Variants in ANKRD12 observed in about 807,000 individuals in gnomAD.
The protein encoded by ANKRD12 is ankyrin repeat domain 12, also known as ankyrin repeat domain-containing protein 12.
Under a neutral mutation model 183.4 loss-of-function variants are expected in ANKRD12, and 85 were observed. The ratio of observed to expected loss-of-function variants is 0.46; its 90% CI spans 0.39 to 0.56. The LOEUF (loss-of-function observed/expected upper bound fraction) is 0.56, where lower values mean the gene tolerates loss of function less well. ANKRD12 is among the 20% of genes least tolerant of loss of function. The probability of loss-of-function intolerance (pLI) is 0.00; values close to 1 mark genes in which losing one functional copy is unlikely to be tolerated. For synonymous variants in ANKRD12, 914 were observed against 800.2 expected (o/e 1.14, Z -2.40); for missense variants, 2,405 against 2,357.1 (o/e 1.02, Z -0.42).
chr18:9,219,635 A>G (rs922499868), intron 7 of ANKRD12, among the ~76,000 whole-genome samples: 3 of 152,056 alleles, frequency 2.0e-5, no homozygotes, highest in African/African-American at 7.2e-5. Flanking sequence ...CTTTAAAAAT[A>G]TAAAAACTAT....
chr18:9,169,800 C>T (rs2032497455), intron 1 of ANKRD12, among the ~76,000 whole-genome samples: 1 of 152,146 alleles, frequency 6.6e-6, no homozygotes, highest in African/African-American at 2.4e-5. Flanking sequence ...GCAGTTTCTT[C>T]CTAGCATTGA....
chr18:9,189,094 A>G (rs1221536044), intron 2 of ANKRD12, among the ~76,000 whole-genome samples: 1 of 152,226 alleles, frequency 6.6e-6, no homozygotes, highest in African/African-American at 2.4e-5. Flanking sequence ...AAGTTCTTGA[A>G]GAACACTAAA....
At chr18:9,181,520 C>T (rs2033699847) in intron 1 of ANKRD12, among the ~76,000 whole-genome samples, 1 of 152,194 alleles carries the variant, frequency 6.6e-6, no homozygotes, top group South Asian at 2.1e-4. Flanking sequence ...CCTTGGCCAG[C>T]AGCCTCAATC....
intron 1 of ANKRD12, among the ~76,000 whole-genome samples, chr18:9,166,350 G>A (rs1598432061): frequency 6.6e-6 from 1 of 152,256 alleles, no homozygotes; most frequent in Admixed American, 6.5e-5. Context: ...GTGTAAAAGT[G>A]TTCCTGTTTC....
intron 1 of ANKRD12, among the ~76,000 whole-genome samples, chr18:9,149,256 A>T (rs1028120278): frequency 2.6e-5 from 4 of 152,224 alleles, no homozygotes; most frequent in African/African-American, 4.8e-5. Context: ...TGTGACATGT[A>T]AGTGTTTAAT....
chr18:9,211,860 T>C, intron 6 of ANKRD12, 76 bp downstream of exon 6: 1 of 1,249,176 alleles, frequency 8.0e-7, no homozygotes, highest in Non-Finnish European at 1.1e-6. Context: ...TAATCTACAT[T>C]CTTTTATTCA....
Position 9,187,405 on chromosome 18 carries a change from C to G in ANKRD12, c.87+4886C>G, listed in dbSNP as rs565561820. On this transcript the variant is annotated intron_variant, in intron 2 of 12. Coordinates refer to ENST00000262126, the MANE Select transcript of ANKRD12 (RefSeq NM_015208.5). ...GCAAGAGAGCAGGACCCTGCTGTCT[C>G]TATTCATTTTTAATTTTTTTTTAAC... is the stretch of plus-strand genomic sequence containing the variant. Among the ~76,000 whole-genome samples the G allele has an allele frequency of 1.6e-4, 24 of 152,194 alleles. No homozygotes were observed. In the South Asian group the frequency reaches 4.8e-3, roughly 30 times the overall value.
intron 6 of ANKRD12, among the ~76,000 whole-genome samples, chr18:9,216,361 C>G (rs1178891789): frequency 1.3e-5 from 2 of 152,130 alleles, no homozygotes; most frequent in African/African-American, 4.8e-5. Flanking sequence ...TGTTAAATAA[C>G]AATTTTTCTC....
chr18:9,265,087 C>T (rs1309030238), intron 10 of ANKRD12, among the ~76,000 whole-genome samples: 1 of 152,246 alleles, frequency 6.6e-6, no homozygotes, highest in Non-Finnish European at 1.5e-5. Context: ...GAGGGGCACC[C>T]GCCATTGCCT....
chr18:9,227,212 A>T (rs2036770328), intron 8 of ANKRD12, among the ~76,000 whole-genome samples: 1 of 152,184 alleles, frequency 6.6e-6, no homozygotes, highest in Non-Finnish European at 1.5e-5. Flanking sequence ...AAAGAGAACA[A>T]GTTATAAAGC....
chr18:9,166,536 T>C (rs951613810), intron 1 of ANKRD12, among the ~76,000 whole-genome samples: 5 of 152,218 alleles, frequency 3.3e-5, no homozygotes, highest in African/African-American at 1.2e-4. Flanking sequence ...GAAGTGTCTG[T>C]TCATATCCTT....
At chr18:9,159,430 CT>C (rs1371379453) in intron 1 of ANKRD12, among the ~76,000 whole-genome samples, 2 of 151,980 alleles carry the variant, frequency 1.3e-5, no homozygotes, top group Admixed American at 6.6e-5. Flanking sequence ...TATTTTTTTA[CT>C]TTTTTATTTT....
chr18:9,142,659 A>G (rs2078358860), intron 1 of ANKRD12, among the ~76,000 whole-genome samples: 1 of 152,162 alleles, frequency 6.6e-6, no homozygotes, highest in African/African-American at 2.4e-5. Flanking sequence ...AGGCTGGCAG[A>G]TCACCTGAGG....
intron 1 of ANKRD12, among the ~76,000 whole-genome samples, chr18:9,170,003 T>G (rs2032523839): frequency 1.3e-5 from 2 of 152,236 alleles, no homozygotes; most frequent in South Asian, 4.1e-4. Context: ...AAATTCTGGG[T>G]TGAAAATTAT....
rs6506643 is a variant in ANKRD12 at position 9,186,204 on chromosome 18, G to A, written c.87+3685G>A. ...CGCCCAGGCTGGAGTGCAGTGGCGCGAAAAAGTGTGATTTCTTAAAAGTGT... is the reference window on the plus strand; with the variant it reads ...CGCCCAGGCTGGAGTGCAGTGGCGCAAAAAAGTGTGATTTCTTAAAAGTGT... On this transcript the variant is annotated intron_variant, in intron 2 of 12. Transcript: ENST00000262126. Among the ~76,000 whole-genome samples, 1,134 of 149,820 alleles carry A rather than the reference G, an allele frequency of 7.6e-3. 12 individuals carry two copies. Among genetic ancestry groups the A allele is most frequent in the African/African-American group, 0.026 (1,055 of 40,572 alleles).
chr18:9,166,833 G>C (rs1213386885), intron 1 of ANKRD12, among the ~76,000 whole-genome samples: 1 of 152,144 alleles, frequency 6.6e-6, no homozygotes, highest in Non-Finnish European at 1.5e-5. Flanking sequence ...TTTTCTTCTA[G>C]GGTTTTTATG....
intron 3 of ANKRD12, among the ~76,000 whole-genome samples, chr18:9,196,834 A>T (rs1160299053): frequency 6.6e-6 from 1 of 152,008 alleles, no homozygotes; most frequent in Non-Finnish European, 1.5e-5. Flanking sequence ...TCTTTGAGAG[A>T]TTCAGAATCT....
At chr18:9,168,961 C>G (rs1254678344) in intron 1 of ANKRD12, among the ~76,000 whole-genome samples, 3 of 152,032 alleles carry the variant, frequency 2.0e-5, no homozygotes, top group Non-Finnish European at 1.5e-5. Context: ...TTATTTCTGC[C>G]TTCGTTTCAT....
At chr18:9,164,653 C>T (rs2031837969) in intron 1 of ANKRD12, among the ~76,000 whole-genome samples, 1 of 152,114 alleles carries the variant, frequency 6.6e-6, no homozygotes, top group South Asian at 2.1e-4. Context: ...TTTATTCACC[C>T]AGGAGTCATT....
Sources: allele counts gnomAD v4.1 joint callset (sites outside exome capture counted in the v4.1 genomes callset), GRCh38; gene constraint gnomAD v4.1.1; transcripts MANE v1.5; gene names NCBI Gene and HGNC (gene_info 2026-07-23, HGNC 2026-07-21).